PRIM2: variants seen among roughly 807,000 people sequenced by gnomAD.
PRIM2 encodes the protein DNA primase subunit 2.
A neutral mutation model predicts 67.3 loss-of-function variants in PRIM2; 39 were observed. The observed-to-expected ratio is 0.58, with a 90% CI of 0.45 to 0.76. PRIM2 has a LOEUF of 0.76. Ranked by LOEUF, PRIM2 falls within the 30% of genes least tolerant of loss-of-function variation. PRIM2 has a pLI of 0.00. For missense variants in PRIM2, 398 were observed against 598.7 expected (o/e 0.66, Z 3.50); for synonymous variants, 143 against 198.7 (o/e 0.72, Z 2.36).
In PRIM2 at chr6:57,634,382, T is replaced by A. The variant is rs1252500816; in HGVS notation, c.1299+2181T>A. ...ATTGTTCTTATTTAAAAGCTTTTTT[T>A]AAAACAAAACTCAAGGAGTAAACAT... is the stretch of plus-strand genomic sequence containing the variant. On this transcript the variant is annotated intron_variant, in intron 13 of 13. Coordinates refer to ENST00000615550, the MANE Select transcript of PRIM2 (RefSeq NM_000947.5). Among the ~76,000 whole-genome samples, 323 of 152,346 alleles carry A rather than the reference T, an allele frequency of 2.1e-3. 1 individual carries two copies. The highest frequency in any genetic ancestry group is 4.6e-3 in the Admixed American group (71 of 15,304).
chr6:57,394,177 G>T (rs1301848964), intron 7 of PRIM2, among the ~76,000 whole-genome samples: 1 of 148,914 alleles, frequency 6.7e-6, no homozygotes, highest in African/African-American at 2.6e-5. Context: ...TTTTAGAATT[G>T]TTTTTTTCTA....
At chr6:57,312,775 C>T (rs1472954467), upstream of PRIM2, among the ~76,000 whole-genome samples, 1 of 152,126 alleles carries the variant, frequency 6.6e-6, no homozygotes, top group Non-Finnish European at 1.5e-5. Flanking sequence ...TTTGGACCAT[C>T]AAGACCATAA....
At chr6:57,281,337 C>T in the PRIM2 span, among the ~76,000 whole-genome samples, 38 of 152,220 alleles carry the variant, frequency 2.5e-4, 1 homozygote, top group South Asian at 6.6e-3. Flanking sequence ...TGCTGGATCA[C>T]GTTCTGTTTT....
chr6:57,632,989 G>A (rs1347570616), intron 13 of PRIM2, among the ~76,000 whole-genome samples: 1 of 152,246 alleles, frequency 6.6e-6, no homozygotes, highest in South Asian at 2.1e-4. Context: ...GCACAGAATA[G>A]ATTTTGAAGT....
chr6:57,236,176 T>A, the PRIM2 span, among the ~76,000 whole-genome samples: 1 of 152,152 alleles, frequency 6.6e-6, no homozygotes, highest in African/African-American at 2.4e-5. Flanking sequence ...ACTTGGTGAG[T>A]CCACCTAATT....
intron 12 of PRIM2, among the ~76,000 whole-genome samples, chr6:57,608,743 A>G (rs1397582860): frequency 6.6e-6 from 1 of 151,936 alleles, no homozygotes; most frequent in East Asian, 1.9e-4. Flanking sequence ...GTGCCAGTAA[A>G]GGGGATGCTA....
chr6:57,367,725 A>T (rs1685679813), intron 5 of PRIM2, among the ~76,000 whole-genome samples: 1 of 152,228 alleles, frequency 6.6e-6, no homozygotes, highest in Non-Finnish European at 1.5e-5. Flanking sequence ...GACTTCTAAA[A>T]GGCTGGACTC....
chr6:57,426,444 C>A (rs1436122898), intron 7 of PRIM2, among the ~76,000 whole-genome samples: 1 of 152,186 alleles, frequency 6.6e-6, no homozygotes, highest in East Asian at 1.9e-4. Context: ...TTCAAGTGTT[C>A]AAGAATCCCA....
Position 57,537,574 on chromosome 6 carries a change from A to T in PRIM2, c.969A>T (p.Ala323=). ...LKGIGLTLEQ[A]LQFWKQEFIK... ...GCATTGGTTTAACTTTGGAACAGGC[A>T]TTGCAGTTCTGGAAGCAAGAATTTA... Residue 323 remains alanine (A), a synonymous_variant, in exon 10 of 14, where the codon GCA becomes GCT. Transcript: ENST00000615550. The T allele has an allele frequency of 6.3e-7, 1 of 1,578,236 alleles. No individual in the cohort carries two copies. The highest frequency in any genetic ancestry group is 2.3e-5 in the East Asian group (1 of 44,254).
intron 7 of PRIM2, among the ~76,000 whole-genome samples, chr6:57,489,697 T>C (rs1554345780): frequency 2.0e-5 from 3 of 152,298 alleles, no homozygotes; most frequent in African/African-American, 7.2e-5. Context: ...TTTGGGATTC[T>C]GTCAAGTTGG....
chr6:57,253,256 T>A, the PRIM2 span, among the ~76,000 whole-genome samples: 2 of 152,138 alleles, frequency 1.3e-5, no homozygotes, highest in Non-Finnish European at 2.9e-5. Flanking sequence ...TAAAGTGATC[T>A]GTGGTATCTC....
At chr6:57,409,339 T>C (rs1269301268) in intron 7 of PRIM2, among the ~76,000 whole-genome samples, 1 of 152,046 alleles carries the variant, frequency 6.6e-6, no homozygotes, top group Non-Finnish European at 1.5e-5. Context: ...CCGCACCGGC[T>C]AATTTTTTTG....
At chr6:57,450,910 G>T (rs1353547408) in intron 7 of PRIM2, among the ~76,000 whole-genome samples, 11 of 152,128 alleles carry the variant, frequency 7.2e-5, no homozygotes, top group African/African-American at 2.6e-4. Flanking sequence ...TCTTTCCTTA[G>T]CTTTACAAGT....
intron 12 of PRIM2, among the ~76,000 whole-genome samples, chr6:57,607,141 TTA>T (rs1776578638): frequency 6.6e-6 from 1 of 152,196 alleles, no homozygotes; most frequent in Admixed American, 6.5e-5. Flanking sequence ...AAAAAGAACA[TTA>T]TATATTTTAG....
At chr6:57,466,247 G>C (rs1414827046) in intron 7 of PRIM2, among the ~76,000 whole-genome samples, 1 of 152,202 alleles carries the variant, frequency 6.6e-6, no homozygotes, top group Non-Finnish European at 1.5e-5. Context: ...TTGGTTCCAA[G>C]TCTTTGCTAT....
chr6:57,452,550 T>A (rs1371634967), intron 7 of PRIM2, among the ~76,000 whole-genome samples: 1 of 152,254 alleles, frequency 6.6e-6, no homozygotes, highest in African/African-American at 2.4e-5. Context: ...ATGAGCGTTT[T>A]TTCATGTGTC....
the PRIM2 span, among the ~76,000 whole-genome samples, chr6:57,251,221 A>G: frequency 7.2e-5 from 11 of 152,324 alleles, no homozygotes; most frequent in South Asian, 2.3e-3. Context: ...CATATAGACA[A>G]GATTTTTAAA....
chr6:57,452,730 G>A (rs111802813), intron 7 of PRIM2, among the ~76,000 whole-genome samples: 45 of 152,052 alleles, frequency 3.0e-4, no homozygotes, highest in African/African-American at 9.9e-4. Flanking sequence ...CCCATTCTGT[G>A]GGTTGCCTGT....
chr6:57,465,646 C>T (rs1221508085), intron 7 of PRIM2, among the ~76,000 whole-genome samples: 1 of 152,122 alleles, frequency 6.6e-6, no homozygotes, highest in Non-Finnish European at 1.5e-5. Flanking sequence ...GTTAGTTAAC[C>T]TCTGTGTGCC....
Sources: gnomAD v4.1 joint callset for allele counts (sites outside exome capture counted in the v4.1 genomes callset) on GRCh38, gnomAD v4.1.1 for gene constraint, MANE v1.5 for transcripts, NCBI Gene and HGNC (gene_info 2026-07-23, HGNC 2026-07-21) for gene names.